Variants in ANO6 observed in about 807,000 individuals in gnomAD.
ANO6 encodes anoctamin 6.
ANO6 carries 106 observed loss-of-function variants against 117.5 expected under a neutral mutation model. The observed-to-expected ratio is 0.90, with a 90% CI of 0.77 to 1.06. ANO6 has a LOEUF of 1.06. Ranked by LOEUF, ANO6 falls within the 50% of genes least tolerant of loss-of-function variation. The pLI is 0.00. For missense variants in ANO6, 955 were observed against 1,121.1 expected (o/e 0.85, Z 2.12); for synonymous variants, 367 against 385.1 (o/e 0.95, Z 0.55).
intron 1 of ANO6, among the ~76,000 whole-genome samples, chr12:45,222,083 C>G (rs542234929): frequency 6.6e-6 from 1 of 151,650 alleles, no homozygotes; most frequent in Non-Finnish European, 1.5e-5. Context: ...GGGGTTTCAC[C>G]GTGTTAATCA....
intron 9 of ANO6, among the ~76,000 whole-genome samples, chr12:45,369,122 T>C (rs1159821266): frequency 6.6e-6 from 1 of 152,180 alleles, no homozygotes; most frequent in African/African-American, 2.4e-5. Context: ...CAGGGTGTTG[T>C]CAACAGATGG....
At chr12:45,393,983 T>A (rs986871945) in intron 12 of ANO6, among the ~76,000 whole-genome samples, 1 of 152,098 alleles carries the variant, frequency 6.6e-6, no homozygotes, top group Non-Finnish European at 1.5e-5. Flanking sequence ...AGGATCAAAT[T>A]CACACATAAC....
At chr12:45,382,252 C>T (rs1294386460) in intron 10 of ANO6, among the ~76,000 whole-genome samples, 2 of 152,158 alleles carry the variant, frequency 1.3e-5, no homozygotes, top group Admixed American at 6.6e-5. Context: ...CTTGGTTCTA[C>T]CTCATGTGAC....
chr12:45,354,387 A>G (rs1333180934), intron 7 of ANO6, among the ~76,000 whole-genome samples: 1 of 152,200 alleles, frequency 6.6e-6, no homozygotes, highest in Non-Finnish European at 1.5e-5. Flanking sequence ...CAAACTGTTA[A>G]GTATGAGGAA....
chr12:45,376,835 T>G (rs1199646946), intron 9 of ANO6, among the ~76,000 whole-genome samples: 1 of 146,962 alleles, frequency 6.8e-6, no homozygotes, highest in African/African-American at 2.5e-5. Flanking sequence ...ACATGTACCC[T>G]AAAACTTAAA....
At chr12:45,245,896 G>A (rs1947817594) in intron 1 of ANO6, among the ~76,000 whole-genome samples, 1 of 151,232 alleles carries the variant, frequency 6.6e-6, no homozygotes, top group South Asian at 2.1e-4. Flanking sequence ...TTGTAATTTT[G>A]CGTAGATTCT....
chr12:45,376,883 A>T (rs201047586), intron 9 of ANO6, among the ~76,000 whole-genome samples: 8,470 of 149,484 alleles, frequency 0.057, 472 homozygotes, highest in East Asian at 0.33. Context: ...TATTGAAAAA[A>T]AAAAAGAAGA....
At chr12:45,229,175 G>A (rs1947534575) in intron 1 of ANO6, among the ~76,000 whole-genome samples, 1 of 152,114 alleles carries the variant, frequency 6.6e-6, no homozygotes, top group African/African-American at 2.4e-5. Context: ...TCTCTGTGGT[G>A]AAAGATTATT....
intron 15 of ANO6, among the ~76,000 whole-genome samples, chr12:45,408,486 A>G (rs1956655262): frequency 6.6e-6 from 1 of 152,220 alleles, no homozygotes; most frequent in Admixed American, 6.5e-5. Context: ...GACATAAAAA[A>G]GAGACAGTGG....
intron 18 of ANO6, among the ~76,000 whole-genome samples, chr12:45,421,920 T>C (rs1943376250): frequency 6.6e-6 from 1 of 152,216 alleles, no homozygotes; most frequent in Non-Finnish European, 1.5e-5. Context: ...TCCTGGACCA[T>C]AGAGTTTTAC....
intron 1 of ANO6, among the ~76,000 whole-genome samples, chr12:45,265,649 T>G (rs1162971449): frequency 6.6e-6 from 1 of 152,190 alleles, no homozygotes; most frequent in Non-Finnish European, 1.5e-5. Flanking sequence ...CCGATTCTTG[T>G]CATTTCTCTA....
At chr12:45,351,211 A>G (rs74080820) in intron 7 of ANO6, among the ~76,000 whole-genome samples, 4,949 of 152,330 alleles carry the variant, frequency 0.032, 247 homozygotes, top group African/African-American at 0.11. Context: ...GAGGTTACCC[A>G]CCGCCCAGGA....
chr12:45,379,642 C>T (rs1417681613), intron 10 of ANO6, among the ~76,000 whole-genome samples: 1 of 152,184 alleles, frequency 6.6e-6, no homozygotes, highest in African/African-American at 2.4e-5. Context: ...ATCTACTAAA[C>T]TGCATATACT....
At chr12:45,334,366 T>C (rs1393983688) in intron 3 of ANO6, among the ~76,000 whole-genome samples, 1 of 152,072 alleles carries the variant, frequency 6.6e-6, no homozygotes, top group Non-Finnish European at 1.5e-5. Flanking sequence ...GATTAGTTTA[T>C]TGGCTCAATG....
intron 19 of ANO6, among the ~76,000 whole-genome samples, chr12:45,427,852 T>A (rs1565775998): frequency 6.9e-6 from 1 of 145,966 alleles, no homozygotes; most frequent in Non-Finnish European, 1.5e-5. Flanking sequence ...GGCAGGAGAA[T>A]CGCTTGAACC....
intron 1 of ANO6, chr12:45,292,790 T>C: frequency 2.7e-6 from 4 of 1,477,828 alleles, no homozygotes; most frequent in Non-Finnish European, 3.6e-6. Flanking sequence ...TTACTGAAAC[T>C]CTTCTCAGAA....
At chr12:45,349,612 G>C (rs1941231215) in intron 6 of ANO6, among the ~76,000 whole-genome samples, 1 of 152,174 alleles carries the variant, frequency 6.6e-6, no homozygotes. Context: ...AATTGCTACT[G>C]TGTAGTACAT....
intron 19 of ANO6, among the ~76,000 whole-genome samples, chr12:45,423,313 A>G (rs1281420007): frequency 6.6e-6 from 1 of 152,184 alleles, no homozygotes. Context: ...AACTTTTTAA[A>G]ATGTAGGGCA....
intron 8 of ANO6, among the ~76,000 whole-genome samples, chr12:45,367,430 G>C (rs1941714247): frequency 6.6e-6 from 1 of 152,212 alleles, no homozygotes. Context: ...AATGCTGGCA[G>C]AGACCTCCAG....
Sources: gnomAD v4.1 joint callset for allele counts (sites outside exome capture counted in the v4.1 genomes callset) on GRCh38, gnomAD v4.1.1 for gene constraint, MANE v1.5 for transcripts, NCBI Gene and HGNC (gene_info 2026-07-23, HGNC 2026-07-21) for gene names.